CCDC148: variants seen among roughly 807,000 people sequenced by gnomAD.
CCDC148 encodes the protein coiled-coil domain containing 148, also known as coiled-coil domain-containing protein 148.
Under a neutral mutation model 85.7 loss-of-function variants are expected in CCDC148, and 89 were observed. The observed-to-expected ratio is 1.04, with a 90% confidence interval of 0.87 to 1.24. The LOEUF (loss-of-function observed/expected upper bound fraction) is 1.24, where lower values mean the gene tolerates loss of function less well. CCDC148 is among the 50% of genes most tolerant of loss of function. The pLI is 0.00. For missense variants in CCDC148, 692 were observed against 671.7 expected (o/e 1.03, Z -0.33); for synonymous variants, 230 against 213.9 (o/e 1.08, Z -0.66).
intron 1 of CCDC148, among the ~76,000 whole-genome samples, chr2:158,379,474 G>A (rs1268667455): frequency 6.6e-6 from 1 of 152,152 alleles, no homozygotes; most frequent in African/African-American, 2.4e-5. Flanking sequence ...CAATGTCAGG[G>A]TTTGAGAAGG....
intron 1 of CCDC148, among the ~76,000 whole-genome samples, chr2:158,409,190 A>T (rs1039791507): frequency 1.3e-5 from 2 of 152,300 alleles, no homozygotes; most frequent in South Asian, 4.1e-4. Context: ...CAGAGTCCCT[A>T]CTGGGGAACT....
At chr2:158,216,553 T>C (rs1272235578) in intron 11 of CCDC148, among the ~76,000 whole-genome samples, 1 of 151,882 alleles carries the variant, frequency 6.6e-6, no homozygotes, top group Non-Finnish European at 1.5e-5. Flanking sequence ...CGTGCCACCA[T>C]GCCTGGCTAA....
At chr2:158,333,232 A>C (rs1402250409) in intron 7 of CCDC148, among the ~76,000 whole-genome samples, 2 of 152,108 alleles carry the variant, frequency 1.3e-5, no homozygotes, top group African/African-American at 4.8e-5. Flanking sequence ...CTTTGTTCTC[A>C]TTGGTTTCAA....
chr2:158,264,258 C>T (rs1023580250), intron 9 of CCDC148, among the ~76,000 whole-genome samples: 1 of 152,036 alleles, frequency 6.6e-6, no homozygotes, highest in African/African-American at 2.4e-5. Context: ...TCATTCCTTT[C>T]TAGATATAGC....
At chr2:158,428,002 G>A (rs1398821642) in intron 1 of CCDC148, among the ~76,000 whole-genome samples, 1 of 152,188 alleles carries the variant, frequency 6.6e-6, no homozygotes, top group Admixed American at 6.5e-5. Context: ...GAGTCTTTTA[G>A]GCTTTATTTA....
At chr2:158,436,854 C>A (rs560153870) in intron 1 of CCDC148, among the ~76,000 whole-genome samples, 1 of 152,124 alleles carries the variant, frequency 6.6e-6, no homozygotes, top group African/African-American at 2.4e-5. Context: ...AACACCTCTA[C>A]GGAAATAAAC....
At chr2:158,315,236 G>T (rs1270956220) in intron 7 of CCDC148, among the ~76,000 whole-genome samples, 1 of 152,166 alleles carries the variant, frequency 6.6e-6, no homozygotes, top group African/African-American at 2.4e-5. Context: ...GTACAAATAG[G>T]AGTATTAAGC....
chr2:158,298,716 A>G (rs1383478240), intron 9 of CCDC148, among the ~76,000 whole-genome samples: 4 of 152,044 alleles, frequency 2.6e-5, no homozygotes, highest in Non-Finnish European at 5.9e-5. Flanking sequence ...TATTTGACCC[A>G]TTTTTATATA....
intron 7 of CCDC148, among the ~76,000 whole-genome samples, chr2:158,331,808 A>G (rs1693143581): frequency 6.6e-6 from 1 of 152,100 alleles, no homozygotes; most frequent in Admixed American, 6.6e-5. Context: ...AGTCTGTTTT[A>G]TCAGAGACTA....
chr2:158,413,530 G>A (rs17420944), intron 1 of CCDC148, among the ~76,000 whole-genome samples: 2 of 151,560 alleles, frequency 1.3e-5, no homozygotes, highest in African/African-American at 4.8e-5. Flanking sequence ...AGCTACTAAG[G>A]ATAAAGTGAC....
At chr2:158,213,570 A>G (rs1686688647) in intron 11 of CCDC148, among the ~76,000 whole-genome samples, 1 of 152,222 alleles carries the variant, frequency 6.6e-6, no homozygotes, top group Non-Finnish European at 1.5e-5. Flanking sequence ...GTCATAATGT[A>G]AAGGGGAGAA....
chr2:158,198,078 A>T (rs1002577270), intron 11 of CCDC148, among the ~76,000 whole-genome samples: 3 of 152,126 alleles, frequency 2.0e-5, no homozygotes, highest in Non-Finnish European at 2.9e-5. Flanking sequence ...AAACACTTCA[A>T]CTATAGTAAA....
intron 10 of CCDC148, among the ~76,000 whole-genome samples, chr2:158,231,834 A>G (rs1436581433): frequency 1.3e-5 from 2 of 152,140 alleles, no homozygotes; most frequent in Non-Finnish European, 2.9e-5. Flanking sequence ...TCTTTTCAGG[A>G]TGGTAAAGGC....
intron 10 of CCDC148, among the ~76,000 whole-genome samples, chr2:158,234,144 A>G (rs199958772): frequency 6.6e-6 from 1 of 152,008 alleles, no homozygotes; most frequent in Non-Finnish European, 1.5e-5. Context: ...CCATTGCACT[A>G]CAGCCTGGGC....
At chr2:158,363,064 T>C (rs904410705) in intron 1 of CCDC148, among the ~76,000 whole-genome samples, 16 of 152,162 alleles carry the variant, frequency 1.1e-4, no homozygotes, top group African/African-American at 3.4e-4. Context: ...CTAGAAAATC[T>C]AGAAGAAATG....
At chr2:158,324,813 T>G (rs1692689017) in intron 7 of CCDC148, among the ~76,000 whole-genome samples, 1 of 152,154 alleles carries the variant, frequency 6.6e-6, no homozygotes, top group African/African-American at 2.4e-5. Context: ...TCTTAGTCAT[T>G]TGCATTTAGA....
chr2:158,207,903 C>T (rs1686335531), intron 11 of CCDC148, among the ~76,000 whole-genome samples: 1 of 151,682 alleles, frequency 6.6e-6, no homozygotes, highest in Admixed American at 6.6e-5. Context: ...GTGATCTTGA[C>T]CAAATTTGCA....
chr2:158,266,534 T>G (rs1200965615), intron 9 of CCDC148, among the ~76,000 whole-genome samples: 2 of 152,156 alleles, frequency 1.3e-5, no homozygotes, highest in Non-Finnish European at 2.9e-5. Context: ...GAATAAGTTC[T>G]TTAGTGGTGA....
intron 9 of CCDC148, among the ~76,000 whole-genome samples, chr2:158,282,952 CAG>C (rs916906848): frequency 7.5e-4 from 114 of 152,286 alleles, no homozygotes; most frequent in African/African-American, 2.6e-3. Flanking sequence ...TGGAACAGAA[CAG>C]AGCCCTCGGA....
Sources: allele counts gnomAD v4.1 joint callset (sites outside exome capture counted in the v4.1 genomes callset), GRCh38; gene constraint gnomAD v4.1.1; transcripts MANE v1.5; gene names NCBI Gene and HGNC (gene_info 2026-07-23, HGNC 2026-07-21).